ZNF862: variants seen among roughly 807,000 people sequenced by gnomAD.
The protein encoded by ZNF862 is zinc finger protein 862.
A neutral mutation model predicts 91.1 loss-of-function variants in ZNF862; 64 were observed. The observed-to-expected ratio is 0.70, with a 90% CI of 0.57 to 0.87. The LOEUF (loss-of-function observed/expected upper bound fraction) is 0.87, where lower values mean the gene tolerates loss of function less well. ZNF862 is among the 40% of genes least tolerant of loss of function. The pLI is 0.00. For synonymous variants in ZNF862, 631 were observed against 618.1 expected, an observed-to-expected ratio of 1.02 and a Z score of -0.31; for missense variants, 1,459 against 1,528.0, an observed-to-expected ratio of 0.95 and a Z score of 0.75.
At chr7:149,859,839 C>T (rs1421110259) in intron 6 of ZNF862, 2 of 341,792 alleles carry the variant, frequency 5.9e-6, no homozygotes, top group African/African-American at 2.1e-5. Context: ...GATCTGTGAG[C>T]CTCTCATCCC....
rs953382035 is a variant in ZNF862, at chr7:149,864,438, C to G, written c.*154C>G. The G allele has an allele frequency of 1.4e-6, 1 of 732,256 alleles. No individual in the cohort carries two copies. The highest frequency in any genetic ancestry group is 2.9e-5 in the Admixed American group (1 of 34,648). The allele number at this position is 732,256 out of a possible 1,614,324, so 45.4% of individuals were successfully genotyped here. On this transcript the variant is annotated 3_prime_UTR_variant, in exon 8 of 8. Transcript: ENST00000223210. ...TGGCATCCCAGAGCAGCAGGGGTAT[C>G]AGGAGGTGCATGACCTGTTTCCTGA... is the stretch of plus-strand genomic sequence containing the variant.
At chr7:149,858,415 T>A (rs749317760) in intron 5 of ZNF862, 1 of 152,216 alleles carries the variant, frequency 6.6e-6, no homozygotes, top group Admixed American at 6.5e-5. Context: ...TTATTTATAT[T>A]TTTATTAGTA....
chr7:149,862,279 A>G lies in ZNF862; in HGVS notation c.3119A>G (p.Glu1040Gly). The change falls in exon 7 of 8, where the codon GAG becomes GGG. Residue 1040 changes from glutamate (E) to glycine (G), a missense_variant. Transcript: ENST00000223210. ...VCVPISTSCC[E>G]RGFKAMNRIR... ...GTGCCCATCTCCACCTCTTGCTGTG[A>G]GCGGGGGTTCAAGGCCATGAACCGA... 6.2e-7 allele frequency: 1 copy of G among 1,613,722 alleles called. No individual in the cohort carries two copies. Among genetic ancestry groups the G allele is most frequent in the Non-Finnish European group, 8.5e-7 (1 of 1,179,820 alleles).
Position 149,864,660 on chromosome 7 carries a change from A to G in ZNF862, c.*376A>G, listed in dbSNP as rs1802652551. The G allele has an allele frequency of 5.6e-6, 1 of 178,638 alleles. No homozygotes were observed. The highest frequency in any genetic ancestry group is 1.2e-5 in the Non-Finnish European group (1 of 84,456). 11.1% of individuals were successfully genotyped at this position (178,638 alleles called of 1,614,324 possible). On this transcript the variant is annotated 3_prime_UTR_variant, in exon 8 of 8. Coordinates refer to ENST00000223210, the MANE Select transcript of ZNF862 (RefSeq NM_001099220.3). ...GGGGAATGTTCCAGGGAGGCTGCCC[A>G]CAGTCTAAGTGGGAATGGGAAAGAC...
At chr7:149,845,019 GC>G (rs1801823995) in intron 2 of ZNF862, 1 of 363,146 alleles carries the variant, frequency 2.8e-6, no homozygotes, top group Admixed American at 4.6e-5. Context: ...GCCCCAAGGG[GC>G]CGGGAGGGAA....
intron 2 of ZNF862, among the ~76,000 whole-genome samples, chr7:149,845,381 G>A (rs79270748): frequency 0.029 from 4,343 of 152,282 alleles, 76 homozygotes; most frequent in Middle Eastern, 0.082. Flanking sequence ...GCAAGTTGAT[G>A]ACTGTCTACC....
At position 149,861,798 on chromosome 7, in the gene ZNF862, G is replaced by T; in HGVS notation, c.2638G>T (p.Glu880Ter). The T allele has an allele frequency of 6.2e-7, 1 of 1,613,646 alleles. No homozygotes were observed. Among genetic ancestry groups the T allele is most frequent in the Non-Finnish European group, 8.5e-7 (1 of 1,179,874 alleles). The change falls in exon 7 of 8, where the codon GAG becomes TAG. Residue 880 changes from glutamate (E) to a stop codon, truncating the protein, a stop_gained. Transcript: ENST00000223210. LOFTEE classifies it high-confidence loss of function. The surrounding 1 kb of genome is among the most constrained non-coding windows in gnomAD (Gnocchi z 6.7). ...GCTGGGCCGCGCCTACGTGGCACTG[G>T]AGAGCCTCCGTCACCAGGCAGGGCC... is the stretch of plus-strand genomic sequence containing the variant. ...ATLGRAYVAL[E>*]SLRHQAGPKE...
chr7:149,860,136 A>C, intron 6 of ZNF862: 1 of 516,648 alleles, frequency 1.9e-6, no homozygotes, highest in Non-Finnish European at 3.4e-6. Flanking sequence ...CTGTGTGGAT[A>C]GGGTGGTTGG....
In ZNF862 at chr7:149,862,455, G is replaced by T; in HGVS notation, c.3295G>T (p.Val1099Phe). Residue 1099 changes from valine to phenylalanine, a missense_variant, in exon 7 of 8, where the codon GTC (valine) becomes TTC (phenylalanine). Physicochemically the swap from Val to Phe is conservative, Grantham distance 50. Transcript: ENST00000223210. Reference protein sequence around the residue: ...LTSSGRRFSHVYTCAQVPARS... With the variant: ...LTSSGRRFSHFYTCAQVPARS... ...CTCCTCAGGCCGGCGTTTCAGCCAT[G>T]TCTACACCTGTGCCCAGGTGCCAGC... 1 of 1,606,830 alleles carries T rather than the reference G, an allele frequency of 6.2e-7. No individual in the cohort carries two copies.
Position 149,862,417 on chromosome 7 carries a change from A to C in ZNF862, c.3257A>C (p.His1086Pro). 6.2e-7 allele frequency: 1 copy of C among 1,612,678 alleles called. No individual in the cohort carries two copies. The highest frequency in any genetic ancestry group is 8.5e-7 in the Non-Finnish European group (1 of 1,179,742). ...TEYDPQPAIQHWYLTSSGRRF... is the reference protein window; with the variant it reads ...TEYDPQPAIQPWYLTSSGRRF... ...TACGACCCCCAGCCCGCCATCCAGC[A>C]CTGGTACCTGACCTCCTCAGGCCGG... Residue 1086 changes from histidine to proline, a missense_variant, in exon 7 of 8, where the codon CAC (histidine) becomes CCC (proline). Physicochemically the swap from His to Pro is moderately conservative, Grantham distance 77. Transcript: ENST00000223210.
intron 1 of ZNF862, among the ~76,000 whole-genome samples, chr7:149,840,442 A>G (rs1166921423): frequency 6.6e-6 from 1 of 152,144 alleles, no homozygotes; most frequent in Non-Finnish European, 1.5e-5. Flanking sequence ...TTTATTATTG[A>G]AGAAAGAAAA....
Position 149,844,570 on chromosome 7 carries a change from G to A in ZNF862, c.25-55G>A, listed in dbSNP as rs28465476. ...CCCTCAGGTGGTCAGGAACACTTTTGGAAGATAAATCTAAGGAAGAGAGTG... is the reference window on the plus strand; with the variant it reads ...CCCTCAGGTGGTCAGGAACACTTTTAGAAGATAAATCTAAGGAAGAGAGTG... On this transcript the variant is annotated intron_variant, in intron 1 of 7. Coordinates refer to ENST00000223210, the MANE Select transcript of ZNF862 (RefSeq NM_001099220.3). 9,549 of 1,364,752 alleles carry A rather than the reference G, an allele frequency of 7.0e-3. 445 individuals are homozygous for A. In the African/African-American group the frequency reaches 0.11, roughly 15 times the overall value. The allele number at this position is 1,364,752 out of a possible 1,614,324, so 84.5% of individuals were successfully genotyped here. A position where few individuals can be genotyped will look rare whatever the true frequency, so the allele number is the denominator to read the frequency against.
intron 7 of ZNF862, among the ~76,000 whole-genome samples, chr7:149,863,156 G>A (rs866941042): frequency 1.3e-5 from 2 of 151,874 alleles, no homozygotes; most frequent in South Asian, 4.2e-4. Context: ...TGTATTAGAA[G>A]GGAGGGCAAG....
In ZNF862 at chr7:149,861,732, T is replaced by G. The variant is rs748768265; in HGVS notation, c.2572T>G (p.Cys858Gly). 3 of 1,613,546 alleles carry G rather than the reference T, an allele frequency of 1.9e-6. No individual in the cohort carries two copies. The highest frequency in any genetic ancestry group is 2.5e-6 in the Non-Finnish European group (3 of 1,179,802). Residue 858 changes from cysteine to glycine, a missense_variant, in exon 7 of 8, where the codon TGC (cysteine) becomes GGC (glycine). Transcript: ENST00000223210. This position sits in a 1 kb window ranked among gnomAD's most constrained non-coding sequence, Gnocchi z 6.7. ...LSIYRPLSEV[C>G]QKEIVLITEV... ...CATCTACAGGCCTCTGTCCGAGGTG[T>G]GCCAGAAGGAGATCGTGCTGATTAC...
At chr7:149,840,612 G>A (rs1357317872) in intron 1 of ZNF862, among the ~76,000 whole-genome samples, 1 of 150,992 alleles carries the variant, frequency 6.6e-6, no homozygotes, top group Non-Finnish European at 1.5e-5. Context: ...TTCATGGTAA[G>A]TGCCCAATAC....
Position 149,861,556 on chromosome 7 carries a change from C to T in ZNF862, c.2396C>T (p.Ala799Val), listed in dbSNP as rs755055788. ...GCCAGCAGGAGGCGCACGCTGCACG[C>T]GCTGCTCGTGAGCTGGCCCGCCCTG... Reference protein sequence around the residue: ...WVASRRRTLHALLVSWPALAR... With the variant: ...WVASRRRTLHVLLVSWPALAR... Residue 799 changes from alanine (A) to valine (V), a missense_variant, in exon 7 of 8, where the codon GCG (alanine) becomes GTG (valine). Coordinates refer to ENST00000223210, the MANE Select transcript of ZNF862 (RefSeq NM_001099220.3). The surrounding 1 kb of genome is among the most constrained non-coding windows in gnomAD (Gnocchi z 6.7). 17 of 1,597,554 alleles carry T rather than the reference C, an allele frequency of 1.1e-5. 1 individual carries two copies. In the East Asian group the frequency reaches 3.4e-4, roughly 32 times the overall value.
intron 3 of ZNF862, 50 bp from the exon 4 acceptor site, chr7:149,847,685 G>T: frequency 7.1e-7 from 1 of 1,400,276 alleles, no homozygotes. Flanking sequence ...AGTTGCAGTG[G>T]CTCTAACTAT....
chr7:149,844,581 C>T, intron 1 of ZNF862, 44 bp from the exon 2 acceptor site: 1 of 1,421,914 alleles, frequency 7.0e-7, no homozygotes, highest in Non-Finnish European at 9.7e-7. Flanking sequence ...GAAGATAAAT[C>T]TAAGGAAGAG....
intron 1 of ZNF862, chr7:149,841,694 A>G (rs901685749): frequency 1.6e-5 from 16 of 985,302 alleles, no homozygotes; most frequent in Middle Eastern, 5.2e-4. Flanking sequence ...AGAGAAGTCT[A>G]TATGTGTACT....
Sources: gnomAD v4.1 joint callset for allele counts (sites outside exome capture counted in the v4.1 genomes callset) on GRCh38, gnomAD v4.1.1 for gene constraint, Gnocchi (gnomAD v3.1) non-coding constraint, MANE v1.5 for transcripts, NCBI Gene and HGNC (gene_info 2026-07-23, HGNC 2026-07-21) for gene names.